PAK5: variants seen among roughly 807,000 people sequenced by gnomAD.
PAK5 encodes the protein serine/threonine-protein kinase PAK 5.
In PAK5, 16 loss-of-function variants were observed where a neutral mutation model predicts 65.9. The observed-to-expected ratio is 0.24, with a 90% CI of 0.16 to 0.37. The LOEUF is 0.37. Among genes scored for constraint, PAK5 ranks in the 10% least tolerant of loss-of-function variants. The pLI, the probability that PAK5 is intolerant of heterozygous loss-of-function variation, is 1.00. For synonymous variants in PAK5, 371 were observed against 354.9 expected (o/e 1.05, Z -0.51); for missense variants, 785 against 903.9 (o/e 0.87, Z 1.69).
At chr20:9,729,015 T>C (rs2048306448) in intron 1 of PAK5, among the ~76,000 whole-genome samples, 3 of 152,236 alleles carry the variant, frequency 2.0e-5, no homozygotes, top group Admixed American at 1.3e-4. Context: ...GAAGAACATA[T>C]GGAAATATTT....
At chr20:9,649,800 G>C (rs1386677774) in intron 2 of PAK5, among the ~76,000 whole-genome samples, 1 of 152,138 alleles carries the variant, frequency 6.6e-6, no homozygotes, top group Non-Finnish European at 1.5e-5. Flanking sequence ...GATGAACTGT[G>C]TGTCAGACAC....
intron 2 of PAK5, among the ~76,000 whole-genome samples, chr20:9,669,343 C>T (rs2047462077): frequency 6.6e-6 from 1 of 152,062 alleles, no homozygotes; most frequent in Non-Finnish European, 1.5e-5. Context: ...TATAACAAGC[C>T]TCCTTCTAGA....
chr20:9,712,638 C>T (rs1456623997), intron 1 of PAK5, among the ~76,000 whole-genome samples: 1 of 152,064 alleles, frequency 6.6e-6, no homozygotes, highest in East Asian at 1.9e-4. Flanking sequence ...GCTATAGTAA[C>T]CAAACCAACA....
At chr20:9,641,591 A>G (rs2047062669) in intron 3 of PAK5, among the ~76,000 whole-genome samples, 1 of 151,898 alleles carries the variant, frequency 6.6e-6, no homozygotes, top group Non-Finnish European at 1.5e-5. Flanking sequence ...GTGCGCTCAC[A>G]TTCCTCAGCC....
At chr20:9,686,825 C>T (rs1232133530) in intron 2 of PAK5, among the ~76,000 whole-genome samples, 1 of 152,096 alleles carries the variant, frequency 6.6e-6, no homozygotes, top group African/African-American at 2.4e-5. Flanking sequence ...TCATGCAGAT[C>T]CTGAGGCAAG....
chr20:9,772,023 G>A (rs765746357), intron 1 of PAK5, among the ~76,000 whole-genome samples: 2 of 152,118 alleles, frequency 1.3e-5, no homozygotes, highest in Non-Finnish European at 2.9e-5. Flanking sequence ...GGGTGACATA[G>A]TGAGACCCTA....
At chr20:9,803,109 C>T (rs1170747139) in intron 1 of PAK5, among the ~76,000 whole-genome samples, 1 of 150,974 alleles carries the variant, frequency 6.6e-6, no homozygotes, top group Non-Finnish European at 1.5e-5. Flanking sequence ...CCCAAGCTTC[C>T]GGAAATGTTT....
At chr20:9,769,247 A>C (rs1404956359) in intron 1 of PAK5, among the ~76,000 whole-genome samples, 1 of 152,214 alleles carries the variant, frequency 6.6e-6, no homozygotes, top group African/African-American at 2.4e-5. Context: ...TTGAAGCAGG[A>C]CATATTTCCA....
intron 3 of PAK5, among the ~76,000 whole-genome samples, chr20:9,601,234 T>C (rs903266291): frequency 1.3e-5 from 2 of 152,174 alleles, no homozygotes; most frequent in Non-Finnish European, 2.9e-5. Flanking sequence ...CTTAATTTCA[T>C]GTGTAAGCAT....
intron 1 of PAK5, among the ~76,000 whole-genome samples, chr20:9,773,232 A>G (rs1306293737): frequency 2.0e-5 from 3 of 152,096 alleles, no homozygotes; most frequent in Non-Finnish European, 4.4e-5. Flanking sequence ...GTTCTCTTTA[A>G]GTTCTTTTTT....
At chr20:9,567,924 G>T (rs1217344831) in intron 4 of PAK5, among the ~76,000 whole-genome samples, 1 of 152,190 alleles carries the variant, frequency 6.6e-6, no homozygotes, top group African/African-American at 2.4e-5. Context: ...CAGAAGCCTG[G>T]CTGAGTGAGG....
At chr20:9,630,922 T>C (rs2046912934) in intron 3 of PAK5, among the ~76,000 whole-genome samples, 1 of 152,168 alleles carries the variant, frequency 6.6e-6, no homozygotes, top group African/African-American at 2.4e-5. Context: ...CCATTACATG[T>C]TGGACAGGCT....
chr20:9,765,134 A>T (rs549695761), intron 1 of PAK5, among the ~76,000 whole-genome samples: 2 of 152,306 alleles, frequency 1.3e-5, no homozygotes, highest in Middle Eastern at 3.4e-3. Context: ...CGGGTTGCTA[A>T]ATCATTGCAT....
At chr20:9,554,774 T>C (rs533750412) in intron 7 of PAK5, among the ~76,000 whole-genome samples, 2 of 152,326 alleles carry the variant, frequency 1.3e-5, no homozygotes, top group African/African-American at 4.8e-5. Context: ...GGAGTCAATA[T>C]GATGCACTGT....
At chr20:9,796,938 A>G (rs2049111491) in intron 1 of PAK5, among the ~76,000 whole-genome samples, 1 of 152,014 alleles carries the variant, frequency 6.6e-6, no homozygotes, top group African/African-American at 2.4e-5. Flanking sequence ...TGGTATTTCT[A>G]GTTCTAGATC....
Position 9,656,153 on chromosome 20 carries a change from T to C in PAK5, c.-11-11814A>G, listed in dbSNP as rs2047265165. Among the ~76,000 whole-genome samples the C allele has an allele frequency of 2.6e-5, 4 of 152,246 alleles. No homozygotes were observed. The Middle Eastern group carries it at 0.014, about 518-fold the overall frequency. The stretch of plus-strand genomic sequence containing the variant: ...AAAGCCTAGATACTTTCCTTTCCTA[T>C]CAACATTGTTGGAAATCAAAGTTGG... On this transcript the variant is annotated intron_variant, in intron 2 of 9. Coordinates refer to ENST00000353224, the MANE Select transcript of PAK5 (RefSeq NM_177990.4).
rs559846101 is a variant in PAK5, at chr20:9,634,310, T to C, written c.204+9815A>G. Among the ~76,000 whole-genome samples, 19 of 152,290 alleles carry C rather than the reference T, an allele frequency of 1.2e-4. No homozygotes were observed. The East Asian group carries it at 3.1e-3, about 25-fold the overall frequency. On this transcript the variant is annotated intron_variant, in intron 3 of 9. Coordinates refer to ENST00000353224, the MANE Select transcript of PAK5 (RefSeq NM_177990.4). ...GAGGCCTGGAGGTGTGTGGTTAACA[T>C]TGGCCCTCCTCCAAATAGAAGAAGT...
intron 1 of PAK5, among the ~76,000 whole-genome samples, chr20:9,830,977 C>T (rs1193079098): frequency 6.6e-6 from 1 of 152,212 alleles, no homozygotes; most frequent in Non-Finnish European, 1.5e-5. Context: ...CCCATCACAT[C>T]TCTTGTGTTT....
chr20:9,587,470 C>A (rs1339498540), intron 3 of PAK5, among the ~76,000 whole-genome samples: 1 of 151,944 alleles, frequency 6.6e-6, no homozygotes, highest in Non-Finnish European at 1.5e-5. Flanking sequence ...GAAAAATTAA[C>A]CAAGTTAGAC....
Sources: allele counts gnomAD v4.1 joint callset (sites outside exome capture counted in the v4.1 genomes callset), GRCh38; gene constraint gnomAD v4.1.1; transcripts MANE v1.5; gene names NCBI Gene and HGNC (gene_info 2026-07-23, HGNC 2026-07-21).